The following DYM variants were observed in gnomAD, a reference collection of about 807,000 sequenced individuals.
DYM encodes dyggve-Melchior-Clausen syndrome protein.
A neutral mutation model predicts 93.1 loss-of-function variants in DYM; 78 were observed. The observed-to-expected ratio is 0.84, with a 90% CI of 0.70 to 1.01. The LOEUF (loss-of-function observed/expected upper bound fraction) is 1.01. DYM is among the 50% of genes least tolerant of loss of function. The probability of loss-of-function intolerance (pLI) is 0.00; values close to 1 mark genes in which losing one functional copy is unlikely to be tolerated. For synonymous variants in DYM, 321 were observed against 319.7 expected (o/e 1.00, Z -0.04); for missense variants, 789 against 845.0 (o/e 0.93, Z 0.82).
intron 11 of DYM, among the ~76,000 whole-genome samples, chr18:49,260,635 T>C (rs1001024230): frequency 5.9e-5 from 9 of 152,174 alleles, no homozygotes; most frequent in African/African-American, 1.2e-4. Flanking sequence ...GAAAGTTCCA[T>C]TGGCTTCCAG....
chr18:49,216,422 G>A (rs578185207), intron 13 of DYM, among the ~76,000 whole-genome samples: 3 of 152,320 alleles, frequency 2.0e-5, no homozygotes, highest in African/African-American at 7.2e-5. Flanking sequence ...CACACAGCTG[G>A]AGATCTGAGA....
At chr18:49,269,532 C>G (rs558607478) in intron 11 of DYM, among the ~76,000 whole-genome samples, 1 of 152,236 alleles carries the variant, frequency 6.6e-6, no homozygotes, top group East Asian at 1.9e-4. Context: ...TTCAGAATAG[C>G]CAAGACAGAC....
At chr18:49,355,499 T>TA (rs1477511489) in intron 6 of DYM, among the ~76,000 whole-genome samples, 1 of 152,128 alleles carries the variant, frequency 6.6e-6, no homozygotes, top group African/African-American at 2.4e-5. Flanking sequence ...CACTGATAGA[T>TA]ACATTTCATC....
chr18:49,064,478 C>T (rs2076235417), intron 17 of DYM, among the ~76,000 whole-genome samples: 1 of 152,232 alleles, frequency 6.6e-6, no homozygotes, highest in African/African-American at 2.4e-5. Flanking sequence ...AAGCTCTCCA[C>T]ACCAGGGTCT....
At chr18:49,161,331 C>T (rs1312501744) in intron 15 of DYM, among the ~76,000 whole-genome samples, 1 of 152,148 alleles carries the variant, frequency 6.6e-6, no homozygotes, top group Non-Finnish European at 1.5e-5. Context: ...TAAATATGAC[C>T]TATTTCCTCA....
At chr18:49,162,925 G>GCA (rs2087351194) in intron 15 of DYM, among the ~76,000 whole-genome samples, 1 of 152,210 alleles carries the variant, frequency 6.6e-6, no homozygotes, top group Non-Finnish European at 1.5e-5. Flanking sequence ...GCAGAATAAA[G>GCA]CAGAAGCAAA....
intron 2 of DYM, among the ~76,000 whole-genome samples, chr18:49,397,966 G>A (rs1446155689): frequency 6.6e-6 from 1 of 152,038 alleles, no homozygotes; most frequent in Non-Finnish European, 1.5e-5. Context: ...TATTTCTGCT[G>A]GACAGAGCTG....
intron 14 of DYM, among the ~76,000 whole-genome samples, chr18:49,190,360 T>TA (rs1458067325): frequency 6.6e-6 from 1 of 152,248 alleles, no homozygotes; most frequent in African/African-American, 2.4e-5. Flanking sequence ...TTGCTATCTT[T>TA]AAAAGTGATT....
intron 16 of DYM, among the ~76,000 whole-genome samples, chr18:49,103,316 C>T (rs1238226600): frequency 3.9e-5 from 6 of 152,092 alleles, no homozygotes; most frequent in African/African-American, 7.2e-5. Context: ...ATATTAGCCC[C>T]TTGTCAGATG....
At chr18:49,080,298 C>T (rs1414662359) in intron 17 of DYM, among the ~76,000 whole-genome samples, 8 of 135,208 alleles carry the variant, frequency 5.9e-5, no homozygotes, top group Non-Finnish European at 1.1e-4. Context: ...CAGAGGCGCC[C>T]CTCACCTCCC....
chr18:49,452,582 C>T (rs947229829), intron 1 of DYM, among the ~76,000 whole-genome samples: 9 of 152,124 alleles, frequency 5.9e-5, no homozygotes, highest in African/African-American at 2.2e-4. Flanking sequence ...TTGAGCTAGA[C>T]ACAGAGTGCT....
chr18:49,107,849 G>C (rs912776431), intron 16 of DYM, among the ~76,000 whole-genome samples: 6 of 152,186 alleles, frequency 3.9e-5, no homozygotes, highest in African/African-American at 1.4e-4. Context: ...GCTACTCAGG[G>C]GTCAGGGACC....
chr18:49,137,504 A>C (rs2083977313), intron 15 of DYM, among the ~76,000 whole-genome samples: 1 of 152,222 alleles, frequency 6.6e-6, no homozygotes, highest in South Asian at 2.1e-4. Context: ...TGCTACAGAA[A>C]TGTATAATCA....
At chr18:49,208,200 AAAAATT>A in intron 14 of DYM, among the ~76,000 whole-genome samples, 1 of 151,316 alleles carries the variant, frequency 6.6e-6, no homozygotes, top group South Asian at 2.1e-4. Context: ...AAAAAAAAAA[AAAAATT>A]AAAAAGAAAA....
intron 2 of DYM, among the ~76,000 whole-genome samples, chr18:49,410,841 A>G (rs2072163167): frequency 6.6e-6 from 1 of 152,194 alleles, no homozygotes; most frequent in Non-Finnish European, 1.5e-5. Context: ...TTATACTTTA[A>G]AGAAATCATT....
intron 8 of DYM, among the ~76,000 whole-genome samples, chr18:49,312,413 C>T (rs996820836): frequency 6.6e-6 from 1 of 152,146 alleles, no homozygotes; most frequent in African/African-American, 2.4e-5. Context: ...ACTGTCGTGT[C>T]CACCTTTGAG....
Position 49,098,752 on chromosome 18 carries a change from G to A in DYM, c.1912-1237C>T, listed in dbSNP as rs571005306. ...ATGTCGGATTTTAAGTTCTTTTTGA[G>A]TTTCTGGGATTAATATTTTGTTCAC... On this transcript the variant is annotated intron_variant, in intron 16 of 17. Transcript: ENST00000675505. Among the ~76,000 whole-genome samples, 3 of 152,296 alleles carry A rather than the reference G, an allele frequency of 2.0e-5. No individual in the cohort carries two copies. The East Asian group carries it at 5.8e-4, about 29-fold the overall frequency.
intron 2 of DYM, among the ~76,000 whole-genome samples, chr18:49,421,348 C>T (rs1293242987): frequency 3.3e-5 from 5 of 152,188 alleles, no homozygotes; most frequent in East Asian, 1.9e-4. Flanking sequence ...GCAATATTTA[C>T]GGTTCTGCAG....
At chr18:49,427,924 C>T (rs1185870395) in intron 2 of DYM, among the ~76,000 whole-genome samples, 1 of 151,112 alleles carries the variant, frequency 6.6e-6, no homozygotes, top group Non-Finnish European at 1.5e-5. Flanking sequence ...CTTATGTCTA[C>T]AAAAGATTTT....
Sources: gnomAD v4.1 joint callset for allele counts (sites outside exome capture counted in the v4.1 genomes callset) on GRCh38, gnomAD v4.1.1 for gene constraint, MANE v1.5 for transcripts, NCBI Gene and HGNC (gene_info 2026-07-23, HGNC 2026-07-21) for gene names.